Variants in LAMA5 observed in about 807,000 individuals in gnomAD.
LAMA5 encodes the protein laminin subunit alpha-5.
LAMA5 carries 260 observed loss-of-function variants against 433.4 expected under a neutral mutation model. The ratio of observed to expected loss-of-function variants is 0.60; its 90% CI spans 0.54 to 0.66. The LOEUF is 0.66. LAMA5 is among the 30% of genes least tolerant of loss of function. LAMA5 has a pLI of 0.00. For synonymous variants in LAMA5, 2,620 were observed against 2,226.6 expected (o/e 1.18, Z -4.97); for missense variants, 5,378 against 5,258.5 (o/e 1.02, Z -0.70).
Position 62,324,210 on chromosome 20 carries a change from G to A in LAMA5, c.5644-6C>T. ...TCGGTGTTGTGCTGGCAGTCCTGGG[G>A]CAGAGTGGACAGTCAGAGCTATGGT... On this transcript the variant is annotated splice_polypyrimidine_tract_variant and splice_region_variant and intron_variant, in intron 42 of 79. Transcript: ENST00000252999. The surrounding 1 kb of genome is among the most constrained non-coding windows in gnomAD (Gnocchi z 4.4). 6.3e-7 allele frequency: 1 copy of A among 1,578,108 alleles called. No homozygotes were observed. The highest frequency in any genetic ancestry group is 8.5e-7 in the Non-Finnish European group (1 of 1,171,462).
chr20:62,338,153 G>A lies in LAMA5; in HGVS notation c.1757-3C>T. On this transcript the variant is annotated splice_polypyrimidine_tract_variant and splice_region_variant and intron_variant, in intron 13 of 79. Transcript: ENST00000252999. ...TCCTGCAGGGCTGCAGCCACACACT[G>A]CAGAGCGGAGCGGGTGTCACGGTAG... 6.3e-7 allele frequency: 1 copy of A among 1,576,016 alleles called. No individual in the cohort carries two copies. The highest frequency in any genetic ancestry group is 8.6e-7 in the Non-Finnish European group (1 of 1,158,660).
At chr20:62,335,393 G>A (rs1394543002) in intron 18 of LAMA5, 124 bp from the exon 19 acceptor site, 5 of 891,950 alleles carry the variant, frequency 5.6e-6, no homozygotes, top group Non-Finnish European at 6.8e-6. Context: ...AGCACCCCCA[G>A]GAGCCCCTGC....
intron 18 of LAMA5, 22 bp downstream of exon 18, chr20:62,336,318 C>A: frequency 6.5e-7 from 1 of 1,528,994 alleles, no homozygotes; most frequent in Non-Finnish European, 8.9e-7. Context: ...CCCTGTACCC[C>A]AATACTCCAG....
chr20:62,332,865 G>C (rs1001245604), intron 26 of LAMA5, 148 bp from the exon 27 acceptor site: 2 of 1,078,230 alleles, frequency 1.9e-6, no homozygotes, highest in Non-Finnish European at 1.3e-6. Flanking sequence ...AGTGGTGGGG[G>C]CTGAGCTGTA....
chr20:62,354,489 G>A (rs1984865553), intron 2 of LAMA5, among the ~76,000 whole-genome samples: 1 of 152,004 alleles, frequency 6.6e-6, no homozygotes, highest in Admixed American at 6.5e-5. Flanking sequence ...ACCTGGGGGT[G>A]CACACACACC....
rs1047497897 is a variant in LAMA5, at chr20:62,320,744, G to C, written c.6643C>G (p.Leu2215Val). The C allele has an allele frequency of 1.2e-6, 2 of 1,612,530 alleles. No homozygotes were observed. The highest frequency in any genetic ancestry group is 2.7e-5 in the African/African-American group (2 of 74,944). Residue 2215 changes from leucine to valine, a missense_variant, in exon 49 of 80, where the codon CTG (leucine) becomes GTG (valine). By Grantham distance (32) the Leu-to-Val change is conservative. Coordinates refer to ENST00000252999, the MANE Select transcript of LAMA5 (RefSeq NM_005560.6). ...AAGGCCAGGACGCTCAGTACCTGCA[G>C]GTCAGCGATGGAGGCGTTCAGCCTG... ...LHRLNASIAD[L>V]QSQLRSPLGP...
intron 16 of LAMA5, 193 bp from the exon 17 acceptor site, chr20:62,336,979 C>T: frequency 2.9e-6 from 2 of 697,328 alleles, no homozygotes; most frequent in Admixed American, 2.0e-5. Context: ...CATCCCACCA[C>T]ACAGCACCTG....
chr20:62,316,828 G>A (rs1307432397), intron 56 of LAMA5, 54 bp downstream of exon 56: 10 of 1,550,082 alleles, frequency 6.5e-6, no homozygotes, highest in Non-Finnish European at 8.7e-6. Context: ...GCTGCGGGAG[G>A]TGCAGGCAGT....
In LAMA5 at chr20:62,324,101, G is replaced by A; in HGVS notation, c.5747C>T (p.Pro1916Leu). The stretch of plus-strand genomic sequence containing the variant: ...TTACTTGTTGGAAGGCACTGAGAGG[G>A]GGCAGGGGCAGCTGACACAGGGGGC... ...PSAPCVSCPCPLSVPSNNFAE... is the reference protein window; with the variant it reads ...PSAPCVSCPCLLSVPSNNFAE... The change falls in exon 43 of 80, where the codon CCC becomes CTC. Residue 1916 changes from proline (P) to leucine (L), a missense_variant. Pro to Leu is a moderately conservative substitution (Grantham distance 98). Transcript: ENST00000252999. This position sits in a 1 kb window ranked among gnomAD's most constrained non-coding sequence, Gnocchi z 4.4. 6.6e-7 allele frequency: 1 copy of A among 1,521,870 alleles called. No individual in the cohort carries two copies. The highest frequency in any genetic ancestry group is 8.8e-7 in the Non-Finnish European group (1 of 1,137,538). 94.3% of individuals were successfully genotyped at this position (1,521,870 alleles called of 1,614,324 possible).
At chr20:62,340,522 G>A (rs947965804) in intron 11 of LAMA5, among the ~76,000 whole-genome samples, 1 of 151,154 alleles carries the variant, frequency 6.6e-6, no homozygotes, top group Admixed American at 6.6e-5. Context: ...TGTTGGTCAG[G>A]CTCGTCTCGA....
At position 62,316,429 on chromosome 20, in the gene LAMA5, C is replaced by T. The variant is rs892270558; in HGVS notation, c.7756+242G>A. The T allele has an allele frequency of 7.7e-6, 4 of 522,682 alleles. No individual in the cohort carries two copies. The East Asian group carries it at 9.0e-5, about 12-fold the overall frequency. The allele number at this position is 522,682 out of a possible 1,614,324, so 32.4% of individuals were successfully genotyped here. On this transcript the variant is annotated intron_variant, in intron 57 of 79. Transcript: ENST00000252999. ...GTATCTCTTGCCCTGTGCCCTGTGGCTCAGCTGGTGCCTCAGTGGCAGCCA... is the reference window on the plus strand; with the variant it reads ...GTATCTCTTGCCCTGTGCCCTGTGGTTCAGCTGGTGCCTCAGTGGCAGCCA...
chr20:62,325,673 C>T (rs1017208912), intron 40 of LAMA5, 127 bp from the exon 41 acceptor site: 3 of 608,354 alleles, frequency 4.9e-6, no homozygotes, highest in Admixed American at 3.5e-5. Flanking sequence ...AGGAGGTACA[C>T]ACAGGTAGAA....
rs376376185 is a variant in LAMA5 at position 62,309,487 on chromosome 20, G to A, written c.10949-12C>T. The A allele has an allele frequency of 5.5e-5, 86 of 1,568,566 alleles. No homozygotes were observed. Among genetic ancestry groups the A allele is most frequent in the Non-Finnish European group, 7.0e-5 (82 of 1,165,266 alleles). On this transcript the variant is annotated splice_polypyrimidine_tract_variant and intron_variant, in intron 79 of 79. Coordinates refer to ENST00000252999, the MANE Select transcript of LAMA5 (RefSeq NM_005560.6). ...CACGGCCATGGGCTCTGGGGGCACAGGGAAGATGGAAGAAGGCTGGTTGGT... is the reference window on the plus strand; with the variant it reads ...CACGGCCATGGGCTCTGGGGGCACAAGGAAGATGGAAGAAGGCTGGTTGGT...
chr20:62,309,537 T>C (rs890757777), intron 79 of LAMA5, 62 bp from the exon 80 acceptor site: 12 of 1,317,552 alleles, frequency 9.1e-6, no homozygotes, highest in Admixed American at 2.6e-5. Context: ...CCACAGGCCC[T>C]TCCCAAACGT....
intron 48 of LAMA5, among the ~76,000 whole-genome samples, chr20:62,321,138 C>A (rs1314312485): frequency 1.5e-5 from 2 of 130,426 alleles, no homozygotes; most frequent in East Asian, 4.4e-4. Context: ...GGGGTTGGGG[C>A]CGGAGGTGGG....
At chr20:62,340,852 T>G (rs1982481257) in intron 11 of LAMA5, among the ~76,000 whole-genome samples, 1 of 151,394 alleles carries the variant, frequency 6.6e-6, no homozygotes. Context: ...CTGGCCAACA[T>G]GGTAAAACCC....
chr20:62,334,623 T>G lies in LAMA5; in HGVS notation c.2483-2A>C. 6.5e-7 allele frequency: 1 copy of G among 1,545,412 alleles called. No individual in the cohort carries two copies. The highest frequency in any genetic ancestry group is 8.7e-7 in the Non-Finnish European group (1 of 1,146,334). ...CACCGCCAATGTCACACCGGCAGCC[T>G]GCAGGGAGAAGGTGGGAGGTCAGAG... is the stretch of plus-strand genomic sequence containing the variant. On this transcript the variant is annotated splice_acceptor_variant, in intron 20 of 79. Coordinates refer to ENST00000252999, the MANE Select transcript of LAMA5 (RefSeq NM_005560.6). LOFTEE classifies it high-confidence loss of function.
chr20:62,360,676 G>A (rs372143341), intron 2 of LAMA5, among the ~76,000 whole-genome samples: 15 of 148,696 alleles, frequency 1.0e-4, no homozygotes, highest in African/African-American at 3.7e-4. Context: ...GTGGGTGGGT[G>A]GAGGGACCAC....
At chr20:62,323,345 G>T in intron 45 of LAMA5, 111 bp downstream of exon 45, 1 of 914,254 alleles carries the variant, frequency 1.1e-6, no homozygotes, top group Non-Finnish European at 1.6e-6. Context: ...GACTTGTCCT[G>T]GCTGGGCCCC....
Sources: gnomAD v4.1 joint callset for allele counts (sites outside exome capture counted in the v4.1 genomes callset) on GRCh38, gnomAD v4.1.1 for gene constraint, Gnocchi (gnomAD v3.1) non-coding constraint, MANE v1.5 for transcripts, NCBI Gene and HGNC (gene_info 2026-07-23, HGNC 2026-07-21) for gene names.